CFAP20DC: variants seen among roughly 807,000 people sequenced by gnomAD.
CFAP20DC encodes the protein protein CFAP20DC.
CFAP20DC carries 84 observed loss-of-function variants against 101.7 expected under a neutral mutation model. The observed-to-expected ratio is 0.83, with a 90% confidence interval of 0.69 to 0.99. CFAP20DC has a LOEUF of 0.99. Ranked by LOEUF, CFAP20DC falls within the 50% of genes least tolerant of loss-of-function variation. The probability of loss-of-function intolerance (pLI) is 0.00; values close to 1 mark genes in which losing one functional copy is unlikely to be tolerated. For synonymous variants in CFAP20DC, 359 were observed against 351.2 expected, an observed-to-expected ratio of 1.02 and a Z score of -0.25; for missense variants, 1,007 against 970.3, an observed-to-expected ratio of 1.04 and a Z score of -0.50.
At chr3:58,839,152 C>T (rs1488459140) in intron 13 of CFAP20DC, among the ~76,000 whole-genome samples, 1 of 152,168 alleles carries the variant, frequency 6.6e-6, no homozygotes, top group Non-Finnish European at 1.5e-5. Flanking sequence ...TTTGTGTGTG[C>T]TTTTGCACAT....
chr3:58,951,554 A>C, intron 4 of CFAP20DC, among the ~76,000 whole-genome samples: 1 of 152,256 alleles, frequency 6.6e-6, no homozygotes, highest in Middle Eastern at 3.2e-3. Context: ...TGGCACATAT[A>C]CACCATGGAA....
chr3:58,850,654 A>AT (rs915045849), intron 12 of CFAP20DC, among the ~76,000 whole-genome samples: 54 of 152,046 alleles, frequency 3.6e-4, no homozygotes, highest in African/African-American at 1.2e-3. Flanking sequence ...AATATATAAT[A>AT]AATGGATGTG....
rs17059906 is a variant in CFAP20DC at position 58,859,850 on chromosome 3, C to T, written c.1593+3708G>A. 0.083 allele frequency among the ~76,000 whole-genome samples: 12,644 copies of T among 151,942 alleles called. 885 individuals carry two copies. Among genetic ancestry groups the T allele is most frequent in the East Asian group, 0.35 (1,804 of 5,164 alleles). On this transcript the variant is annotated intron_variant, in intron 12 of 16. Coordinates refer to ENST00000482387, the MANE Select transcript of CFAP20DC (RefSeq NM_001394063.1). This position sits in a 1 kb window ranked among gnomAD's most constrained non-coding sequence, Gnocchi z 4.1. The stretch of plus-strand genomic sequence containing the variant: ...CTGTCAACTAAATATTCCTTTCCAC[C>T]GTGTGTATGTAAGTGTGTGTGAGAA...
chr3:59,021,789 G>A (rs1161077554), intron 4 of CFAP20DC, among the ~76,000 whole-genome samples: 2 of 152,058 alleles, frequency 1.3e-5, no homozygotes, highest in Admixed American at 1.3e-4. Flanking sequence ...AATCAGAGAT[G>A]AGAGTAGCTG....
Position 58,861,629 on chromosome 3 carries a change from T to C in CFAP20DC, c.1593+1929A>G, listed in dbSNP as rs147299961. On this transcript the variant is annotated intron_variant, in intron 12 of 16. Transcript: ENST00000482387. The surrounding 1 kb of genome is among the most constrained non-coding windows in gnomAD (Gnocchi z 4.0). ...CTAGCATTTTTGTTGGTCCTATTTTTGTATCTTAGCTTGTATCTCGTTAGT... is the reference window on the plus strand; with the variant it reads ...CTAGCATTTTTGTTGGTCCTATTTTCGTATCTTAGCTTGTATCTCGTTAGT... The C allele has an allele frequency of 7.5e-3, 7,418 of 985,440 alleles. 47 individuals carry two copies. The highest frequency in any genetic ancestry group is 0.033 in the Middle Eastern group (64 of 1,914). 61.0% of individuals were successfully genotyped at this position (985,440 alleles called of 1,614,324 possible). A position where few individuals can be genotyped will look rare whatever the true frequency, so the allele number is the denominator to read the frequency against.
intron 5 of CFAP20DC, among the ~76,000 whole-genome samples, chr3:58,936,436 A>G (rs1212530128): frequency 6.6e-6 from 1 of 152,236 alleles, no homozygotes; most frequent in East Asian, 1.9e-4. Flanking sequence ...ATATACCCAA[A>G]GGGTTAGAAA....
At chr3:58,981,881 T>A (rs2092563536) in intron 4 of CFAP20DC, among the ~76,000 whole-genome samples, 1 of 152,146 alleles carries the variant, frequency 6.6e-6, no homozygotes, top group Admixed American at 6.5e-5. Flanking sequence ...CTGAAGAGCT[T>A]CTGCACAGCA....
chr3:58,853,023 T>C (rs1310726327), intron 12 of CFAP20DC, among the ~76,000 whole-genome samples: 2 of 152,016 alleles, frequency 1.3e-5, no homozygotes, highest in Admixed American at 6.6e-5. Context: ...AAAAAACCCT[T>C]CAAAAATTAA....
intron 4 of CFAP20DC, among the ~76,000 whole-genome samples, chr3:58,976,286 A>C (rs2092271646): frequency 6.6e-6 from 1 of 152,198 alleles, no homozygotes; most frequent in African/African-American, 2.4e-5. Flanking sequence ...GTGAAAGTAA[A>C]GGTAGGTGGG....
At chr3:58,898,355 A>C (rs1432808305) in intron 6 of CFAP20DC, among the ~76,000 whole-genome samples, 5 of 152,012 alleles carry the variant, frequency 3.3e-5, no homozygotes, top group African/African-American at 1.2e-4. Context: ...TTGTATTTTT[A>C]GTAGAGACAG....
downstream of CFAP20DC, among the ~76,000 whole-genome samples, chr3:58,716,606 T>G (rs2067403050): frequency 6.6e-6 from 1 of 152,140 alleles, no homozygotes; most frequent in African/African-American, 2.4e-5. Context: ...CATCTGTAAA[T>G]TATGGCAGGC....
intron 5 of CFAP20DC, among the ~76,000 whole-genome samples, chr3:58,936,072 T>G (rs1272135863): frequency 2.0e-5 from 3 of 151,740 alleles, no homozygotes; most frequent in Non-Finnish European, 4.4e-5. Flanking sequence ...CAAACAAATT[T>G]ACAAGAAAAA....
chr3:58,810,539 T>C (rs1173644222), intron 14 of CFAP20DC, among the ~76,000 whole-genome samples: 3 of 152,102 alleles, frequency 2.0e-5, no homozygotes, highest in East Asian at 1.9e-4. Context: ...AATTAGGTAT[T>C]GATGGGACGT....
chr3:58,860,139 T>G (rs1159825995), intron 12 of CFAP20DC, among the ~76,000 whole-genome samples: 1 of 127,668 alleles, frequency 7.8e-6, no homozygotes, highest in Non-Finnish European at 1.5e-5. Flanking sequence ...ATCCCACCAC[T>G]GCACTCCAGC....
intron 4 of CFAP20DC, among the ~76,000 whole-genome samples, chr3:58,987,371 T>A (rs940181706): frequency 6.6e-6 from 1 of 152,062 alleles, no homozygotes; most frequent in African/African-American, 2.4e-5. Flanking sequence ...TTAATCTAAA[T>A]GTATAGCCTT....
rs375586250 is a variant in CFAP20DC, at chr3:58,976,527, A to C, written c.279-38765T>G. On this transcript the variant is annotated intron_variant, in intron 4 of 16. Transcript: ENST00000482387. ...GAGCAAAGACCATGGAGGCAGGTGG[A>C]ATTGGTTTTAAATTCTGGCTCTGCC... is the stretch of plus-strand genomic sequence containing the variant. Among the ~76,000 whole-genome samples, 105 of 152,260 alleles carry C rather than the reference A, an allele frequency of 6.9e-4. 2 individuals are homozygous for C. The East Asian group carries it at 0.011, about 16-fold the overall frequency.
At chr3:58,809,332 C>A (rs931885579) in intron 14 of CFAP20DC, among the ~76,000 whole-genome samples, 2 of 152,102 alleles carry the variant, frequency 1.3e-5, no homozygotes, top group African/African-American at 4.8e-5. Flanking sequence ...TGTAAAAGAA[C>A]AGAAATTATA....
chr3:59,018,841 T>C (rs1258194888), intron 4 of CFAP20DC: 1 of 152,114 alleles, frequency 6.6e-6, no homozygotes, highest in African/African-American at 2.4e-5. Context: ...GTGAACGTCT[T>C]TGTCCTTAGT....
intron 4 of CFAP20DC, among the ~76,000 whole-genome samples, chr3:58,942,734 T>C (rs1244327928): frequency 1.3e-5 from 2 of 151,966 alleles, no homozygotes; most frequent in African/African-American, 4.8e-5. Flanking sequence ...AACCCTTCAC[T>C]CCCCTGGAAA....
Sources: gnomAD v4.1 joint callset for allele counts (sites outside exome capture counted in the v4.1 genomes callset) on GRCh38, gnomAD v4.1.1 for gene constraint, Gnocchi (gnomAD v3.1) non-coding constraint, MANE v1.5 for transcripts, NCBI Gene and HGNC (gene_info 2026-07-23, HGNC 2026-07-21) for gene names.